Variants in GRID1 observed in about 807,000 individuals in gnomAD.
GRID1 encodes glutamate ionotropic receptor delta type subunit 1, also known as glutamate receptor ionotropic, delta-1.
Under a neutral mutation model 98.0 loss-of-function variants are expected in GRID1, and 28 were observed. The observed-to-expected ratio is 0.29, with a 90% CI of 0.21 to 0.39. The LOEUF (loss-of-function observed/expected upper bound fraction) is 0.39, where lower values mean the gene tolerates loss of function less well. Ranked by LOEUF, GRID1 falls within the 10% of genes least tolerant of loss-of-function variation. GRID1 has a pLI of 1.00. For missense variants in GRID1, 1,111 were observed against 1,340.5 expected, an observed-to-expected ratio of 0.83 and a Z score of 2.67; for synonymous variants, 553 against 538.5, an observed-to-expected ratio of 1.03 and a Z score of -0.37.
chr10:86,084,245 G>T (rs1218178503), intron 4 of GRID1, among the ~76,000 whole-genome samples: 1 of 152,020 alleles, frequency 6.6e-6, no homozygotes, highest in Non-Finnish European at 1.5e-5. Flanking sequence ...CCTGGAAGAG[G>T]TGATGACTGA....
chr10:86,366,493 C>G lies in GRID1; in HGVS notation c.-101G>C, dbSNP rs976141023. On this transcript the variant is annotated 5_prime_UTR_variant, in exon 1 of 16. Coordinates refer to ENST00000327946, the MANE Select transcript of GRID1 (RefSeq NM_017551.3). This position sits in a 1 kb window ranked among gnomAD's most constrained non-coding sequence, Gnocchi z 4.1. ...CCCGGTGCAGTCCCGGGCCGCTCCC[C>G]GGGAGAGCCGAGCCCGCCCGTGCGT... The G allele has an allele frequency of 3.0e-6, 2 of 669,326 alleles. No homozygotes were observed. The highest frequency in any genetic ancestry group is 1.9e-5 in the African/African-American group (1 of 51,890). 41.5% of individuals were successfully genotyped at this position (669,326 alleles called of 1,614,324 possible).
chr10:85,794,877 C>G (rs1197570442), intron 8 of GRID1, among the ~76,000 whole-genome samples: 1 of 152,166 alleles, frequency 6.6e-6, no homozygotes, highest in Admixed American at 6.5e-5. Flanking sequence ...GATTGCTTTT[C>G]CTGCCTGAAA....
At chr10:86,217,869 C>A (rs182398249) in intron 2 of GRID1, among the ~76,000 whole-genome samples, 1 of 152,074 alleles carries the variant, frequency 6.6e-6, no homozygotes, top group South Asian at 2.1e-4. Context: ...AGTTAGACTC[C>A]TATGGACAGG....
intron 8 of GRID1, among the ~76,000 whole-genome samples, chr10:85,735,896 G>A (rs1213686764): frequency 6.8e-6 from 1 of 146,616 alleles, no homozygotes; most frequent in Admixed American, 6.8e-5. Flanking sequence ...AGGGAAGGAG[G>A]GAAAGGGAGG....
intron 2 of GRID1, among the ~76,000 whole-genome samples, chr10:86,251,074 G>A (rs1846820717): frequency 6.6e-6 from 1 of 152,122 alleles, no homozygotes; most frequent in Non-Finnish European, 1.5e-5. Flanking sequence ...AACATGTGCT[G>A]TGTCCACTAA....
intron 4 of GRID1, among the ~76,000 whole-genome samples, chr10:85,945,363 A>T (rs1243926239): frequency 6.6e-6 from 1 of 152,152 alleles, no homozygotes; most frequent in Non-Finnish European, 1.5e-5. Flanking sequence ...AATTTTTTTT[A>T]AATCTTGGTT....
At chr10:86,227,165 A>G (rs1462430938) in intron 2 of GRID1, among the ~76,000 whole-genome samples, 1 of 152,188 alleles carries the variant, frequency 6.6e-6, no homozygotes, top group Non-Finnish European at 1.5e-5. Context: ...GAGGCTTGAG[A>G]GGAGGGACTG....
intron 4 of GRID1, among the ~76,000 whole-genome samples, chr10:85,968,803 T>C (rs185965537): frequency 1.6e-4 from 24 of 152,216 alleles, no homozygotes; most frequent in Admixed American, 1.6e-3. Flanking sequence ...ACATAAGACA[T>C]GTAGAAAACA....
chr10:86,289,230 A>G (rs1847477445), intron 2 of GRID1, among the ~76,000 whole-genome samples: 2 of 152,154 alleles, frequency 1.3e-5, no homozygotes, highest in African/African-American at 4.8e-5. Flanking sequence ...CAGGAACATC[A>G]GCCCCAGCCA....
intron 4 of GRID1, among the ~76,000 whole-genome samples, chr10:85,993,790 A>G (rs1842709391): frequency 6.6e-6 from 1 of 152,232 alleles, no homozygotes; most frequent in Admixed American, 6.5e-5. Flanking sequence ...AAATTACATT[A>G]TATACCCATC....
chr10:86,027,766 T>C (rs769994329), intron 4 of GRID1, among the ~76,000 whole-genome samples: 7 of 152,208 alleles, frequency 4.6e-5, no homozygotes, highest in Non-Finnish European at 1.0e-4. Context: ...ACATCAGACA[T>C]CTTGTTTCCT....
chr10:86,000,443 T>C (rs183235201), intron 4 of GRID1, among the ~76,000 whole-genome samples: 2 of 152,186 alleles, frequency 1.3e-5, no homozygotes, highest in African/African-American at 2.4e-5. Flanking sequence ...CCAACATACA[T>C]ATGGAAAGGC....
At chr10:86,350,644 C>T (rs1428108470) in intron 2 of GRID1, among the ~76,000 whole-genome samples, 1 of 151,928 alleles carries the variant, frequency 6.6e-6, no homozygotes, top group South Asian at 2.1e-4. Context: ...TTGGTAGACA[C>T]CTCTGCCTTT....
At chr10:86,185,637 T>C (rs553835980) in intron 3 of GRID1, among the ~76,000 whole-genome samples, 1 of 152,278 alleles carries the variant, frequency 6.6e-6, no homozygotes, top group Admixed American at 6.5e-5. Flanking sequence ...GTTAAGAAAG[T>C]TACCTTATAT....
Position 85,925,696 on chromosome 10 carries a change from T to C in GRID1, c.727-9457A>G, listed in dbSNP as rs1010514614. On this transcript the variant is annotated intron_variant, in intron 4 of 15. Coordinates refer to ENST00000327946, the MANE Select transcript of GRID1 (RefSeq NM_017551.3). ...AGCACCAGATACTGCTGAAGGAGGG[T>C]GTGGAGCCATTTTGGACAGGAGAGT... 2.6e-5 allele frequency among the ~76,000 whole-genome samples: 4 copies of C among 152,108 alleles called. No homozygotes were observed. In the East Asian group the frequency reaches 7.7e-4, roughly 29 times the overall value.
At chr10:85,614,482 T>C (rs1244476508) in intron 14 of GRID1, among the ~76,000 whole-genome samples, 1 of 152,196 alleles carries the variant, frequency 6.6e-6, no homozygotes, top group Admixed American at 6.5e-5. Context: ...ATTCCTATTT[T>C]CCCATTTTAC....
intron 8 of GRID1, among the ~76,000 whole-genome samples, chr10:85,839,988 T>C (rs1178442819): frequency 1.3e-5 from 2 of 152,124 alleles, no homozygotes; most frequent in East Asian, 1.9e-4. Context: ...TCTAGGCATA[T>C]AAGCTAGAAA....
At chr10:86,284,084 C>T (rs1468515319) in intron 2 of GRID1, among the ~76,000 whole-genome samples, 1 of 149,608 alleles carries the variant, frequency 6.7e-6, no homozygotes, top group African/African-American at 2.5e-5. Context: ...TCACACATAC[C>T]AGCACCTACA....
chr10:85,810,131 C>T (rs1318673855), intron 8 of GRID1, among the ~76,000 whole-genome samples: 1 of 147,198 alleles, frequency 6.8e-6, no homozygotes, highest in African/African-American at 2.6e-5. Context: ...TCTTTCCACC[C>T]ACATGGGTGG....
Sources: allele counts gnomAD v4.1 joint callset (sites outside exome capture counted in the v4.1 genomes callset), GRCh38; gene constraint gnomAD v4.1.1; non-coding constraint Gnocchi (gnomAD v3.1); transcripts MANE v1.5; gene names NCBI Gene and HGNC (gene_info 2026-07-23, HGNC 2026-07-21).